PCDHA1: variants seen among roughly 807,000 people sequenced by gnomAD.
The protein encoded by PCDHA1 is protocadherin alpha 1.
PCDHA1 carries 42 observed loss-of-function variants against 61.3 expected under a neutral mutation model. That is an observed-to-expected ratio of 0.69 (90% CI 0.54 to 0.89). The LOEUF is 0.89. Ranked by LOEUF, PCDHA1 falls within the 40% of genes least tolerant of loss-of-function variation. PCDHA1 has a pLI of 0.00. For synonymous variants in PCDHA1, 610 were observed against 553.8 expected, an observed-to-expected ratio of 1.10 and a Z score of -1.43; for missense variants, 1,256 against 1,235.3, an observed-to-expected ratio of 1.02 and a Z score of -0.25.
chr5:140,967,471 A>G (rs2096144842), intron 1 of PCDHA1: 3 of 1,613,466 alleles, frequency 1.9e-6, no homozygotes, highest in Middle Eastern at 1.7e-4. Context: ...GGGGCATCCC[A>G]GCCCGCTCGG....
chr5:140,918,425 T>A (rs1402096329), intron 1 of PCDHA1, among the ~76,000 whole-genome samples: 1 of 152,200 alleles, frequency 6.6e-6, no homozygotes, highest in Non-Finnish European at 1.5e-5. Flanking sequence ...TCCAGTAGGA[T>A]GTTGAATAGG....
At chr5:140,794,993 G>A in intron 1 of PCDHA1, 1 of 1,613,290 alleles carries the variant, frequency 6.2e-7, no homozygotes, top group South Asian at 1.1e-5. Flanking sequence ...AGGGGCCGAG[G>A]GGCCTGGACA....
At chr5:140,867,347 T>C (rs1465501574) in intron 1 of PCDHA1, 1 of 152,144 alleles carries the variant, frequency 6.6e-6, no homozygotes, top group Non-Finnish European at 1.5e-5. Context: ...GAGGCTACTA[T>C]GATTGATTAT....
At position 140,834,723 on chromosome 5, in the gene PCDHA1, C is replaced by A. The variant is rs1187806383; in HGVS notation, c.2394+46039C>A. The A allele has an allele frequency of 3.1e-6, 5 of 1,614,158 alleles. No homozygotes were observed. The African/African-American group carries it at 6.7e-5, about 22-fold the overall frequency. On this transcript the variant is annotated intron_variant, in intron 1 of 3. Transcript: ENST00000504120. Reference sequence around the variant, plus strand: ...CCTGGAGGTGATCGTGGAAAGGCCGCTGCAGGTTTTCCATGTGGACGTGGA... The same window carrying A: ...CCTGGAGGTGATCGTGGAAAGGCCGATGCAGGTTTTCCATGTGGACGTGGA...
chr5:140,992,757 G>A (rs1345373474), intron 3 of PCDHA1, among the ~76,000 whole-genome samples: 2 of 152,110 alleles, frequency 1.3e-5, no homozygotes, highest in Non-Finnish European at 2.9e-5. Context: ...CCTGTGTTGG[G>A]GATAGGAGGG....
chr5:140,805,306 T>C, intron 1 of PCDHA1: 1 of 1,274,934 alleles, frequency 7.8e-7, no homozygotes, highest in Non-Finnish European at 9.9e-7. Flanking sequence ...GAATTCTTCC[T>C]CCTTTTTTCC....
At chr5:140,831,424 A>G (rs2150194380) in intron 1 of PCDHA1, among the ~76,000 whole-genome samples, 13 of 151,636 alleles carry the variant, frequency 8.6e-5, no homozygotes, top group Non-Finnish European at 1.6e-4. Flanking sequence ...CAGTGGTGCA[A>G]TAATGGCTCA....
At chr5:140,881,239 A>G in intron 1 of PCDHA1, 1 of 370,812 alleles carries the variant, frequency 2.7e-6, no homozygotes. Flanking sequence ...AGTCAATTTA[A>G]ATGACGGCAA....
intron 1 of PCDHA1, among the ~76,000 whole-genome samples, chr5:140,800,322 A>G (rs538965393): frequency 2.6e-5 from 4 of 152,288 alleles, no homozygotes; most frequent in Non-Finnish European, 5.9e-5. Context: ...AGTTACAGTC[A>G]AGACAGTTGA....
chr5:141,009,771 T>A lies in PCDHA1; in HGVS notation c.2687T>A (p.Ile896Asn). The change falls in exon 4 of 4, where the codon ATC (isoleucine) becomes AAC (asparagine). Residue 896 changes from isoleucine (I) to asparagine (N), a missense_variant. Transcript: ENST00000504120. The part of the protein sequence containing the change: ...DKFIIPGSPA[I>N]ISIRQEPTNS... ...TTCATTATCCCAGGATCTCCTGCAA[T>A]CATCTCCATCCGGCAGGAGCCTACT... 3 of 1,614,082 alleles carry A rather than the reference T, an allele frequency of 1.9e-6. No homozygotes were observed. Among genetic ancestry groups the A allele is most frequent in the Non-Finnish European group, 2.5e-6 (3 of 1,180,020 alleles).
intron 1 of PCDHA1, chr5:140,969,174 G>A (rs777458792): frequency 6.2e-7 from 1 of 1,614,076 alleles, no homozygotes; most frequent in South Asian, 1.1e-5. Flanking sequence ...GGCTCAGGGA[G>A]TGACACTTTC....
In PCDHA1 at chr5:140,906,570, T is replaced by C. The variant is rs371493282; in HGVS notation, c.2395-72379T>C. ...TGCAACTGGTTGTGTGGTTCATAGCTGGTATTGATGACTACCTTCCTCTAC... is the reference window on the plus strand; with the variant it reads ...TGCAACTGGTTGTGTGGTTCATAGCCGGTATTGATGACTACCTTCCTCTAC... On this transcript the variant is annotated intron_variant, in intron 1 of 3. Coordinates refer to ENST00000504120, the MANE Select transcript of PCDHA1 (RefSeq NM_018900.4). 1.7e-4 allele frequency among the ~76,000 whole-genome samples: 26 copies of C among 152,230 alleles called. No homozygotes were observed. In the East Asian group the frequency reaches 2.1e-3, roughly 12 times the overall value.
At chr5:140,941,957 A>G (rs1254816482) in intron 1 of PCDHA1, among the ~76,000 whole-genome samples, 1 of 152,234 alleles carries the variant, frequency 6.6e-6, no homozygotes, top group Non-Finnish European at 1.5e-5. Flanking sequence ...TGAAAACAAT[A>G]GTATCTTTAC....
chr5:141,011,749 G>T lies in PCDHA1; in HGVS notation c.*1812G>T, dbSNP rs782567787. 1.2e-4 allele frequency: 18 copies of T among 153,636 alleles called. No homozygotes were observed. Among genetic ancestry groups the T allele is most frequent in the Non-Finnish European group, 2.5e-4 (17 of 68,010 alleles). 9.5% of individuals were successfully genotyped at this position (153,636 alleles called of 1,614,324 possible). A position where few individuals can be genotyped will look rare whatever the true frequency, so the allele number is the denominator to read the frequency against. On this transcript the variant is annotated 3_prime_UTR_variant, in exon 4 of 4. Coordinates refer to ENST00000504120, the MANE Select transcript of PCDHA1 (RefSeq NM_018900.4). ...GTGCAAGCACAAATTTTACCAATCT[G>T]ACCTCTTTGAAGTTGCAGAATGCTT...
chr5:140,967,727 G>A, intron 1 of PCDHA1: 1 of 1,614,148 alleles, frequency 6.2e-7, no homozygotes. Context: ...GCGAGTAATT[G>A]GGGGGCTGGA....
At chr5:140,967,057 A>T (rs1554229122) in intron 1 of PCDHA1, 1 of 1,612,704 alleles carries the variant, frequency 6.2e-7, no homozygotes, top group South Asian at 1.1e-5. Context: ...TGACGAGTGG[A>T]GCGCTCTTCG....
At chr5:140,828,388 C>A in intron 1 of PCDHA1, 1 of 1,614,274 alleles carries the variant, frequency 6.2e-7, no homozygotes, top group Non-Finnish European at 8.5e-7. Context: ...GCGGGCGGAG[C>A]GCGGAGTGCA....
intron 1 of PCDHA1, among the ~76,000 whole-genome samples, chr5:140,941,955 A>G (rs1424348103): frequency 1.3e-5 from 2 of 152,216 alleles, no homozygotes; most frequent in Non-Finnish European, 2.9e-5. Flanking sequence ...TTTGAAAACA[A>G]TAGTATCTTT....
intron 1 of PCDHA1, among the ~76,000 whole-genome samples, chr5:140,855,675 G>T (rs1554147907): frequency 6.7e-6 from 1 of 149,648 alleles, no homozygotes; most frequent in African/African-American, 2.5e-5. Context: ...TACTCTGAGA[G>T]TCTACATTTA....
Sources: allele counts gnomAD v4.1 joint callset (sites outside exome capture counted in the v4.1 genomes callset), GRCh38; gene constraint gnomAD v4.1.1; transcripts MANE v1.5; gene names NCBI Gene and HGNC (gene_info 2026-07-23, HGNC 2026-07-21).